Variants in LDLRAD4 observed in about 807,000 individuals in gnomAD.
The protein encoded by LDLRAD4 is low-density lipoprotein receptor class A domain-containing protein 4.
In LDLRAD4, 5 loss-of-function variants were observed where a neutral mutation model predicts 17.0. The ratio of observed to expected loss-of-function variants is 0.29; its 90% confidence interval spans 0.15 to 0.62. LDLRAD4 has a LOEUF of 0.62. Among genes scored for constraint, LDLRAD4 ranks in the 20% least tolerant of loss-of-function variants. The pLI is 0.84. For synonymous variants in LDLRAD4, 168 were observed against 171.8 expected, an observed-to-expected ratio of 0.98 and a Z score of 0.17; for missense variants, 340 against 424.7, an observed-to-expected ratio of 0.80 and a Z score of 1.75.
intron 1 of LDLRAD4, among the ~76,000 whole-genome samples, chr18:13,344,700 C>G (rs1186708189): frequency 6.6e-6 from 1 of 152,188 alleles, no homozygotes; most frequent in African/African-American, 2.4e-5. Context: ...GATATTGATT[C>G]TTCTTACCCA....
Position 13,222,924 on chromosome 18 carries a change from C to T in LDLRAD4, c.-467+3936C>T, listed in dbSNP as rs1053369352. On this transcript the variant is annotated intron_variant, in intron 1 of 5. Transcript: ENST00000399848. ...GTTTCAAGCTGTTTACAGTTGTGTT[C>T]TTTCTGCAGGTGCAGACACTGAGAA... Among the ~76,000 whole-genome samples, 6 of 152,210 alleles carry T rather than the reference C, an allele frequency of 3.9e-5. No homozygotes were observed. In the East Asian group the frequency reaches 5.8e-4, roughly 15 times the overall value.
intron 3 of LDLRAD4, among the ~76,000 whole-genome samples, chr18:13,479,913 G>A (rs1490054854): frequency 6.6e-6 from 1 of 152,168 alleles, no homozygotes; most frequent in Non-Finnish European, 1.5e-5. Context: ...CCCCAATCCA[G>A]AATACTGACA....
At chr18:13,230,976 A>G (rs998646760) in intron 1 of LDLRAD4, among the ~76,000 whole-genome samples, 5 of 152,164 alleles carry the variant, frequency 3.3e-5, no homozygotes, top group African/African-American at 1.2e-4. Flanking sequence ...GGAGGGTGAG[A>G]TTATTTATTC....
chr18:13,558,842 A>T (rs1205706189), intron 3 of LDLRAD4, among the ~76,000 whole-genome samples: 1 of 152,242 alleles, frequency 6.6e-6, no homozygotes, highest in Admixed American at 6.5e-5. Flanking sequence ...ATAGGTGATC[A>T]ACAGTAAGCA....
chr18:13,273,468 T>C (rs2044679499), upstream of LDLRAD4, among the ~76,000 whole-genome samples: 1 of 152,130 alleles, frequency 6.6e-6, no homozygotes, highest in South Asian at 2.1e-4. Flanking sequence ...ATCCGGCTAA[T>C]ATTTTCTTTT....
At chr18:13,612,968 CT>C in intron 3 of LDLRAD4, 3 of 574,950 alleles carry the variant, frequency 5.2e-6, no homozygotes, top group Non-Finnish European at 6.2e-6. Flanking sequence ...GCATGTCAGG[CT>C]TTTTCATCTT....
chr18:13,389,512 T>A (rs1318901836), intron 2 of LDLRAD4, among the ~76,000 whole-genome samples: 1 of 152,104 alleles, frequency 6.6e-6, no homozygotes, highest in Non-Finnish European at 1.5e-5. Flanking sequence ...AAGAAGCTCT[T>A]CAGAGTAGTT....
chr18:13,557,159 A>G (rs1467032550), intron 3 of LDLRAD4, among the ~76,000 whole-genome samples: 2 of 151,966 alleles, frequency 1.3e-5, no homozygotes, highest in Admixed American at 1.3e-4. Context: ...TTAGTCAGGC[A>G]TCATGGCACA....
At chr18:13,463,209 G>T (rs1027663968) in intron 3 of LDLRAD4, among the ~76,000 whole-genome samples, 2 of 152,172 alleles carry the variant, frequency 1.3e-5, no homozygotes, top group South Asian at 4.1e-4. Context: ...ACTCCTAAAG[G>T]TTGGCCTTAT....
intron 1 of LDLRAD4, among the ~76,000 whole-genome samples, chr18:13,244,410 C>T (rs547621046): frequency 2.6e-5 from 4 of 152,200 alleles, no homozygotes; most frequent in Admixed American, 2.6e-4. Context: ...CATTCATCTG[C>T]ACATCCATTC....
chr18:13,497,100 G>A (rs1351881537), intron 3 of LDLRAD4, among the ~76,000 whole-genome samples: 1 of 152,194 alleles, frequency 6.6e-6, no homozygotes, highest in Admixed American at 6.5e-5. Context: ...CTCATAATGA[G>A]CATTCTCTAG....
At chr18:13,257,982 C>A (rs1177510081) in intron 1 of LDLRAD4, among the ~76,000 whole-genome samples, 1 of 152,044 alleles carries the variant, frequency 6.6e-6, no homozygotes, top group East Asian at 1.9e-4. Flanking sequence ...TCGCTTGAGC[C>A]GAGGAATTGG....
rs75799154 is a variant in LDLRAD4, at chr18:13,546,635, T to C, written c.182-74482T>C. Among the ~76,000 whole-genome samples the C allele has an allele frequency of 4.6e-3, 702 of 152,210 alleles. 6 individuals carry two copies. The highest frequency in any genetic ancestry group is 0.016 in the African/African-American group (664 of 41,520). The stretch of plus-strand genomic sequence containing the variant: ...ACTACTGCCATGTGATGTCACTGAA[T>C]AACACTGGTGGAATTACTCAGTACC... On this transcript the variant is annotated intron_variant, in intron 3 of 5. Transcript: ENST00000359446.
chr18:13,280,936 A>G (rs1159065780), intron 1 of LDLRAD4, among the ~76,000 whole-genome samples: 2 of 152,164 alleles, frequency 1.3e-5, no homozygotes, highest in African/African-American at 4.8e-5. Context: ...CTCAATTTAA[A>G]CTTTTTAAGG....
intron 3 of LDLRAD4, among the ~76,000 whole-genome samples, chr18:13,564,700 G>GC (rs34570055): frequency 0.55 from 83,634 of 151,474 alleles, 23,686 homozygotes; most frequent in Middle Eastern, 0.72. Flanking sequence ...CTGCGCTGCC[G>GC]CCCCCCTTCC....
intron 1 of LDLRAD4, among the ~76,000 whole-genome samples, chr18:13,333,210 A>G (rs968697110): frequency 6.6e-6 from 1 of 152,166 alleles, no homozygotes; most frequent in Admixed American, 6.5e-5. Context: ...CCATCTCTAT[A>G]TCTTTGAGAG....
intron 1 of LDLRAD4, chr18:13,240,082 C>T (rs2042551861): frequency 6.6e-6 from 1 of 152,226 alleles, no homozygotes; most frequent in South Asian, 2.1e-4. Flanking sequence ...TTTGGATGGC[C>T]TTGGACATAG....
At chr18:13,604,819 A>C (rs2095204669) in intron 3 of LDLRAD4, among the ~76,000 whole-genome samples, 1 of 152,182 alleles carries the variant, frequency 6.6e-6, no homozygotes, top group Non-Finnish European at 1.5e-5. Context: ...TCCCACCCAG[A>C]AGATGTACTG....
At chr18:13,310,910 T>C (rs1196023038) in intron 1 of LDLRAD4, among the ~76,000 whole-genome samples, 1 of 152,228 alleles carries the variant, frequency 6.6e-6, no homozygotes, top group Non-Finnish European at 1.5e-5. Flanking sequence ...ATGCAGATTC[T>C]GGATCCAGAG....
Sources: gnomAD v4.1 joint callset for allele counts (sites outside exome capture counted in the v4.1 genomes callset) on GRCh38, gnomAD v4.1.1 for gene constraint, MANE v1.5 for transcripts, NCBI Gene and HGNC (gene_info 2026-07-23, HGNC 2026-07-21) for gene names.